TEX15: variants seen among roughly 807,000 people sequenced by gnomAD.
The protein encoded by TEX15 is testis expressed 15, meiosis and synapsis associated.
Under a neutral mutation model 237.3 loss-of-function variants are expected in TEX15, and 171 were observed. That is an observed-to-expected ratio of 0.72 (90% CI 0.64 to 0.82). The LOEUF is 0.82. TEX15 is among the 40% of genes least tolerant of loss of function. TEX15 has a pLI of 0.00. For synonymous variants in TEX15, 1,338 were observed against 1,269.8 expected (o/e 1.05, Z -1.14); for missense variants, 3,750 against 3,646.5 (o/e 1.03, Z -0.73).
chr8:30,883,389 TTTTAC>T (rs1489787737), intron 3 of TEX15, among the ~76,000 whole-genome samples: 4 of 152,040 alleles, frequency 2.6e-5, no homozygotes, highest in African/African-American at 4.8e-5. Context: ...TAATTTTTTA[TTTTAC>T]TTTAAGTTCT....
At chr8:30,850,113 T>A (rs1807745072) in intron 7 of TEX15, among the ~76,000 whole-genome samples, 1 of 151,728 alleles carries the variant, frequency 6.6e-6, no homozygotes, top group African/African-American at 2.4e-5. Flanking sequence ...GGGTGTGAGG[T>A]GGAAAAACAG....
At chr8:30,894,176 C>T (rs774067435) in intron 2 of TEX15, among the ~76,000 whole-genome samples, 6 of 152,072 alleles carry the variant, frequency 3.9e-5, no homozygotes, top group Admixed American at 6.6e-5. Flanking sequence ...TGTATTTAAA[C>T]TGGGTGTGAT....
chr8:30,882,859 T>C (rs1808558512), intron 3 of TEX15, among the ~76,000 whole-genome samples: 2 of 151,984 alleles, frequency 1.3e-5, no homozygotes, highest in Admixed American at 1.3e-4. Flanking sequence ...GCTTCATATA[T>C]TCTGAAGGCT....
In TEX15 at chr8:30,848,257, T is replaced by C; in HGVS notation, c.1910A>G (p.Gln637Arg). 6.2e-7 allele frequency: 1 copy of C among 1,612,116 alleles called. No individual in the cohort carries two copies. The highest frequency in any genetic ancestry group is 8.5e-7 in the Non-Finnish European group (1 of 1,179,648). Residue 637 changes from glutamine to arginine, a missense_variant, in exon 8 of 11, where the codon CAA becomes CGA. Gln to Arg is a conservative substitution (Grantham distance 43). Coordinates refer to ENST00000643185, the MANE Select transcript of TEX15 (RefSeq NM_001350162.2). Reference protein sequence around the residue: ...LEDSSKHEEKQTSWKEIDNDF... With the variant: ...LEDSSKHEEKRTSWKEIDNDF... ...ATTATCAATTTCTTTCCATGAAGTT[T>C]GCTTTTCTTCATGTTTGGAACTGTC...
Position 30,845,035 on chromosome 8 carries a change from G to C in TEX15, c.5132C>G (p.Ala1711Gly). 6.2e-7 allele frequency: 1 copy of C among 1,613,542 alleles called. No individual in the cohort carries two copies. The highest frequency in any genetic ancestry group is 1.6e-4 in the Middle Eastern group (1 of 6,062). ...CTGAGGAATACTGTACTTTTTACTT[G>C]CTATCAAAGTTAGGTTTAATGGGCC... is the stretch of plus-strand genomic sequence containing the variant. Reference protein sequence around the residue: ...LMGPLNLTLIASKKYSIPQLS... With the variant: ...LMGPLNLTLIGSKKYSIPQLS... Residue 1711 changes from alanine (A) to glycine (G), a missense_variant, in exon 8 of 11, where the codon GCA becomes GGA. Ala to Gly is a moderately conservative substitution (Grantham distance 60). Coordinates refer to ENST00000643185, the MANE Select transcript of TEX15 (RefSeq NM_001350162.2).
At chr8:30,866,788 G>A (rs1808179297) in intron 5 of TEX15, among the ~76,000 whole-genome samples, 1 of 151,766 alleles carries the variant, frequency 6.6e-6, no homozygotes, top group African/African-American at 2.4e-5. Flanking sequence ...CCTGTGCCCA[G>A]CTTTTCTTAA....
intron 4 of TEX15, 98 bp downstream of exon 4, chr8:30,874,839 A>G (rs1808368710): frequency 2.9e-6 from 2 of 692,812 alleles, no homozygotes; most frequent in South Asian, 7.7e-5. Context: ...TCTTAGTAAT[A>G]ACTTACTAAA....
At chr8:30,882,983 C>G (rs1665457040) in intron 3 of TEX15, among the ~76,000 whole-genome samples, 1 of 152,064 alleles carries the variant, frequency 6.6e-6, no homozygotes, top group African/African-American at 2.4e-5. Flanking sequence ...TGTTGCCAAA[C>G]TGGTGTCAAA....
chr8:30,911,513 A>C (rs534728843), intron 1 of TEX15, among the ~76,000 whole-genome samples: 1 of 152,332 alleles, frequency 6.6e-6, no homozygotes, highest in East Asian at 1.9e-4. Context: ...AAGGAAATTC[A>C]AAAATAAAAA....
In TEX15 at chr8:30,837,699, T is replaced by G. The variant is rs148246480; in HGVS notation, c.8585A>C (p.Lys2862Thr). The change falls in exon 10 of 11, where the codon AAA becomes ACA. Residue 2862 changes from lysine (K) to threonine (T), a missense_variant. Physicochemically the swap from Lys to Thr is moderately conservative, Grantham distance 78 (BLOSUM62 -1). Coordinates refer to ENST00000643185, the MANE Select transcript of TEX15 (RefSeq NM_001350162.2). ...GGGATCTGGGGAATTTTTAAGAAATTTCTGCAAAAGCGTCCCATGGTCTGG... is the reference window on the plus strand; with the variant it reads ...GGGATCTGGGGAATTTTTAAGAAATGTCTGCAAAAGCGTCCCATGGTCTGG... ...FSPDHGTLLQKFLKNSPDPTQ... is the reference protein window; with the variant it reads ...FSPDHGTLLQTFLKNSPDPTQ... 28 of 1,613,790 alleles carry G rather than the reference T, an allele frequency of 1.7e-5. No individual in the cohort carries two copies. Among genetic ancestry groups the G allele is most frequent in the Non-Finnish European group, 2.2e-5 (26 of 1,179,954 alleles).
At chr8:30,850,748 G>A (rs1038668880) in intron 7 of TEX15, among the ~76,000 whole-genome samples, 5 of 151,988 alleles carry the variant, frequency 3.3e-5, no homozygotes, top group Admixed American at 6.6e-5. Context: ...TATAATCTTG[G>A]CATAGGAAAG....
Position 30,867,432 on chromosome 8 carries a change from G to A in TEX15, c.373C>T (p.Gln125Ter). ...TGATATATCTGGGCTACATCACTCT[G>A]GGGAAGTGCTAAAAAGCAGAACTGT... ...EEQFCFLALPQSDVAQIYQNG... is the reference protein window; with the variant it reads ...EEQFCFLALP The change falls in exon 5 of 11, where the codon CAG becomes TAG. Residue 125 changes from glutamine to a stop codon, truncating the protein, a stop_gained. Transcript: ENST00000643185. LOFTEE classifies it high-confidence loss of function. 6.5e-7 allele frequency: 1 copy of A among 1,534,674 alleles called. No homozygotes were observed. Among genetic ancestry groups the A allele is most frequent in the Non-Finnish European group, 8.7e-7 (1 of 1,145,952 alleles).
chr8:30,912,399 A>C (rs1377427183), intron 1 of TEX15, among the ~76,000 whole-genome samples: 1 of 145,250 alleles, frequency 6.9e-6, no homozygotes, highest in Non-Finnish European at 1.5e-5. Flanking sequence ...CGCCCTGCGC[A>C]ACGCGGCTGC....
intron 7 of TEX15, among the ~76,000 whole-genome samples, chr8:30,857,620 T>TTTCA (rs1807939233): frequency 6.6e-6 from 1 of 152,138 alleles, no homozygotes; most frequent in Non-Finnish European, 1.5e-5. Flanking sequence ...TGACCAGGAA[T>TTTCA]TTCAGAAAAG....
At position 30,837,855 on chromosome 8, in the gene TEX15, C is replaced by T. The variant is rs769129228; in HGVS notation, c.8429G>A (p.Gly2810Glu). Residue 2810 changes from glycine to glutamate, a missense_variant, in exon 10 of 11, where the codon GGA (glycine) becomes GAA (glutamate). Physicochemically the swap from Gly to Glu is moderately conservative, Grantham distance 98. Transcript: ENST00000643185. ...DLTVSSDHFS[G>E]QQENLNSMKK... ...CATGCTATTTAAATTTTCCTGTTGT[C>T]CACTGAAGTGATCAGATGAAACAGT... 4.3e-6 allele frequency: 7 copies of T among 1,614,010 alleles called. No individual in the cohort carries two copies. The East Asian group carries it at 6.7e-5, about 15-fold the overall frequency.
intron 2 of TEX15, among the ~76,000 whole-genome samples, chr8:30,896,069 C>T (rs772538615): frequency 1.3e-5 from 2 of 152,016 alleles, no homozygotes; most frequent in Admixed American, 6.5e-5. Flanking sequence ...ATGTGAAGTT[C>T]GACTATTGGT....
In TEX15 at chr8:30,837,479, A is replaced by G; in HGVS notation, c.8805T>C (p.Thr2935=). The change falls in exon 10 of 11, where the codon ACT becomes ACC. Residue 2935 remains threonine, a synonymous_variant. Coordinates refer to ENST00000643185, the MANE Select transcript of TEX15 (RefSeq NM_001350162.2). ...NSSIKNSSCM[T]SPEPICIQNK... ...TCTGGATACAGATGGGTTCTGGAGA[A>G]GTCATGCATGAGGAATTTTTAATAG... The G allele has an allele frequency of 6.2e-7, 1 of 1,613,994 alleles. No individual in the cohort carries two copies. The highest frequency in any genetic ancestry group is 1.1e-5 in the South Asian group (1 of 91,070).
At chr8:30,906,662 A>G (rs1399682685) in intron 1 of TEX15, among the ~76,000 whole-genome samples, 1 of 152,138 alleles carries the variant, frequency 6.6e-6, no homozygotes, top group Non-Finnish European at 1.5e-5. Context: ...ACCTTGGATA[A>G]GCAGGCATGT....
intron 3 of TEX15, among the ~76,000 whole-genome samples, chr8:30,880,116 C>G (rs1226745465): frequency 6.6e-6 from 1 of 152,098 alleles, no homozygotes; most frequent in African/African-American, 2.4e-5. Context: ...GCAACCTCCC[C>G]CTCCTGGGTT....
Sources: gnomAD v4.1 joint callset for allele counts (sites outside exome capture counted in the v4.1 genomes callset) on GRCh38, gnomAD v4.1.1 for gene constraint, MANE v1.5 for transcripts, NCBI Gene and HGNC (gene_info 2026-07-23, HGNC 2026-07-21) for gene names.